The following MOCOS variants were observed in gnomAD, a reference collection of about 807,000 sequenced individuals.
The protein encoded by MOCOS is human molybdenum cofactor sulfurase.
Under a neutral mutation model 83.6 loss-of-function variants are expected in MOCOS, and 86 were observed. That is an observed-to-expected ratio of 1.03 (90% confidence interval 0.86 to 1.23). The LOEUF is 1.23. Ranked by LOEUF, MOCOS falls within the 50% of genes most tolerant of loss-of-function variation. The pLI is 0.00. For synonymous variants in MOCOS, 445 were observed against 434.7 expected, an observed-to-expected ratio of 1.02 and a Z score of -0.29; for missense variants, 1,120 against 1,126.9, an observed-to-expected ratio of 0.99 and a Z score of 0.09.
intron 12 of MOCOS, among the ~76,000 whole-genome samples, chr18:36,257,661 G>A (rs1404251182): frequency 6.6e-6 from 1 of 152,102 alleles, no homozygotes; most frequent in Non-Finnish European, 1.5e-5. Flanking sequence ...TTGTTCTTTA[G>A]AGCAAACTGA....
At chr18:36,238,388 T>C (rs998259206) in intron 9 of MOCOS, among the ~76,000 whole-genome samples, 1 of 151,162 alleles carries the variant, frequency 6.6e-6, no homozygotes, top group African/African-American at 2.4e-5. Flanking sequence ...CATTTCGTTA[T>C]GTACCCAGTA....
In MOCOS at chr18:36,189,396, G is replaced by T. The variant is rs75670455; in HGVS notation, c.142+1715G>T. On this transcript the variant is annotated intron_variant, in intron 1 of 14. Coordinates refer to ENST00000261326, the MANE Select transcript of MOCOS (RefSeq NM_017947.4). Reference sequence around the variant, plus strand: ...GCACTAATCTGACGCCCCTCCCACTGCTGGGAGTCTTGGAACATGTCCACT... The same window carrying T: ...GCACTAATCTGACGCCCCTCCCACTTCTGGGAGTCTTGGAACATGTCCACT... Among the ~76,000 whole-genome samples, 168 of 152,258 alleles carry T rather than the reference G, an allele frequency of 1.1e-3. 4 individuals are homozygous for T. The highest frequency in any genetic ancestry group is 3.9e-3 in the African/African-American group (164 of 41,538).
In MOCOS at chr18:36,268,551, C is replaced by T. The variant is rs781565464; in HGVS notation, c.2533C>T (p.Leu845=). 3 of 1,614,074 alleles carry T rather than the reference C, an allele frequency of 1.9e-6. No individual in the cohort carries two copies. Among genetic ancestry groups the T allele is most frequent in the Admixed American group, 1.7e-5 (1 of 60,008 alleles). The change falls in exon 15 of 15, where the codon CTG becomes TTG. Residue 845 remains leucine (L), a synonymous_variant. Transcript: ENST00000261326. ...TTCACAGGTGAACTTTGGCATGTAC[C>T]TGATGCATGCATCATTGGATTTATC... ...RETKVNFGMY[L]MHASLDLSSP...
In MOCOS at chr18:36,209,205, G is replaced by T. The variant is rs185405253; in HGVS notation, c.1218+3929G>T. On this transcript the variant is annotated intron_variant, in intron 6 of 14. Coordinates refer to ENST00000261326, the MANE Select transcript of MOCOS (RefSeq NM_017947.4). ...TTTTTTTTTCTTTCTTGGAGACAAG[G>T]TTTCACTCTGTTGCCCAGACTGGAG... is the stretch of plus-strand genomic sequence containing the variant. Among the ~76,000 whole-genome samples the T allele has an allele frequency of 9.9e-5, 15 of 151,334 alleles. No individual in the cohort carries two copies. In the East Asian group the frequency reaches 2.9e-3, roughly 29 times the overall value.
chr18:36,224,009 T>C (rs1376720385), intron 9 of MOCOS, among the ~76,000 whole-genome samples: 6 of 152,164 alleles, frequency 3.9e-5, no homozygotes, highest in African/African-American at 1.4e-4. Flanking sequence ...GATGAGTTCA[T>C]TTCTAGGTAT....
chr18:36,241,095 T>C (rs2091580694), intron 9 of MOCOS, among the ~76,000 whole-genome samples: 1 of 152,172 alleles, frequency 6.6e-6, no homozygotes, highest in Admixed American at 6.5e-5. Flanking sequence ...ACCCGTCTTC[T>C]GCGTCGCTCA....
intron 6 of MOCOS, among the ~76,000 whole-genome samples, chr18:36,208,168 A>T (rs949355779): frequency 1.4e-4 from 21 of 152,132 alleles, no homozygotes; most frequent in African/African-American, 4.8e-4. Flanking sequence ...CTGTTTTTGT[A>T]CTAGAACCAT....
At chr18:36,232,886 A>G (rs532768251) in intron 9 of MOCOS, among the ~76,000 whole-genome samples, 121 of 143,698 alleles carry the variant, frequency 8.4e-4, no homozygotes, top group Middle Eastern at 3.5e-3. Flanking sequence ...ACACACACAC[A>G]CACCATTTTC....
chr18:36,250,179 C>T (rs1238845362), intron 10 of MOCOS, among the ~76,000 whole-genome samples: 3 of 152,140 alleles, frequency 2.0e-5, no homozygotes, highest in Non-Finnish European at 2.9e-5. Flanking sequence ...CTATATAACA[C>T]TTCACTAAAG....
intron 9 of MOCOS, among the ~76,000 whole-genome samples, chr18:36,234,166 T>C (rs2091549069): frequency 1.3e-5 from 2 of 152,234 alleles, no homozygotes. Context: ...TGGTTTCATG[T>C]CTTAGATTTA....
At chr18:36,233,233 C>T (rs2091545202) in intron 9 of MOCOS, among the ~76,000 whole-genome samples, 1 of 152,248 alleles carries the variant, frequency 6.6e-6, no homozygotes, top group South Asian at 2.1e-4. Flanking sequence ...GTCTTTATAT[C>T]CCCATAGCTT....
At position 36,191,027 on chromosome 18, in the gene MOCOS, AAAAAG is replaced by A. The variant is rs1257866741; in HGVS notation, c.142+3351_142+3355del. Among the ~76,000 whole-genome samples the A allele has an allele frequency of 6.1e-5, 7 of 115,284 alleles. 1 individual carries two copies. Among genetic ancestry groups the A allele is most frequent in the Non-Finnish European group, 1.1e-4 (6 of 55,162 alleles). 75.6% of individuals were successfully genotyped at this position (115,284 alleles called of 152,430 possible). On this transcript the variant is annotated intron_variant, in intron 1 of 14. Coordinates refer to ENST00000261326, the MANE Select transcript of MOCOS (RefSeq NM_017947.4). The stretch of plus-strand genomic sequence containing the variant: ...GAGCAAGACCCTATCTCTCAAAAAA[AAAAAG>A]AAAAAGAAAAAAAAGTGTGTAGCAC...
At chr18:36,220,018 G>A in intron 8 of MOCOS, 37 bp from the exon 9 acceptor site, 1 of 1,612,026 alleles carries the variant, frequency 6.2e-7, no homozygotes, top group East Asian at 2.2e-5. Context: ...CAACTTTGGG[G>A]AGCCCTGGCC....
intron 9 of MOCOS, among the ~76,000 whole-genome samples, chr18:36,239,485 G>A (rs1251580274): frequency 3.3e-5 from 5 of 151,464 alleles, no homozygotes; most frequent in Non-Finnish European, 7.4e-5. Context: ...TGGCTTGTAG[G>A]GTTTCTGCCA....
Position 36,213,616 on chromosome 18 carries a change from A to G in MOCOS, c.1335+134A>G, listed in dbSNP as rs140206674. 2,720 of 783,006 alleles carry G rather than the reference A, an allele frequency of 3.5e-3. 8 individuals are homozygous for G. Among genetic ancestry groups the G allele is most frequent in the Non-Finnish European group, 4.8e-3 (2,189 of 457,538 alleles). 48.5% of individuals were successfully genotyped at this position (783,006 alleles called of 1,614,324 possible). ...GCCTACTCTGTGCATGTACAAAGGA[A>G]AAGGAATACAAATGGAAAATGCTTC... On this transcript the variant is annotated intron_variant, in intron 7 of 14. Transcript: ENST00000261326.
chr18:36,242,540 C>T (rs909287263), intron 9 of MOCOS, among the ~76,000 whole-genome samples: 22 of 152,172 alleles, frequency 1.4e-4, no homozygotes, highest in Non-Finnish European at 2.8e-4. Context: ...GCCCCAAACT[C>T]CTGGTACCAA....
chr18:36,213,295 C>T, intron 6 of MOCOS, 71 bp from the exon 7 acceptor site: 1 of 1,193,362 alleles, frequency 8.4e-7, no homozygotes, highest in Non-Finnish European at 1.3e-6. Flanking sequence ...AGGTCCAAAT[C>T]CTGATCTGAA....
chr18:36,257,653 G>A (rs1303608580), intron 12 of MOCOS, among the ~76,000 whole-genome samples: 2 of 152,128 alleles, frequency 1.3e-5, no homozygotes, highest in African/African-American at 4.8e-5. Context: ...CCCTCTCGTT[G>A]TTCTTTAGAG....
intron 6 of MOCOS, among the ~76,000 whole-genome samples, chr18:36,212,692 C>G (rs529243041): frequency 6.6e-5 from 10 of 152,176 alleles, no homozygotes; most frequent in African/African-American, 9.7e-5. Flanking sequence ...AGCCAAGATC[C>G]CTGGCTGACC....
Sources: allele counts gnomAD v4.1 joint callset (sites outside exome capture counted in the v4.1 genomes callset), GRCh38; gene constraint gnomAD v4.1.1; transcripts MANE v1.5; gene names NCBI Gene and HGNC (gene_info 2026-07-23, HGNC 2026-07-21).